Variants in GLYATL1 observed in about 807,000 individuals in gnomAD.
GLYATL1 encodes the protein glycine N-acyltransferase-like protein 1.
GLYATL1 carries 15 observed loss-of-function variants against 20.0 expected under a neutral mutation model. The observed-to-expected ratio is 0.75, with a 90% CI of 0.50 to 1.15. GLYATL1 has a LOEUF of 1.15. Among genes scored for constraint, GLYATL1 ranks in the 50% most tolerant of loss-of-function variants. The probability of loss-of-function intolerance (pLI) is 0.00; values close to 1 mark genes in which losing one functional copy is unlikely to be tolerated. For synonymous variants in GLYATL1, 151 were observed against 131.5 expected, an observed-to-expected ratio of 1.15 and a Z score of -1.01; for missense variants, 380 against 368.5, an observed-to-expected ratio of 1.03 and a Z score of -0.26.
chr11:58,921,291 T>C (rs959407223), intron 1 of GLYATL1, among the ~76,000 whole-genome samples: 3 of 152,214 alleles, frequency 2.0e-5, no homozygotes, highest in Non-Finnish European at 4.4e-5. Context: ...TCTTGGATAG[T>C]GGCCTTATAG....
chr11:58,906,118 G>T (rs1172436885), intron 1 of GLYATL1, among the ~76,000 whole-genome samples: 1 of 152,160 alleles, frequency 6.6e-6, no homozygotes, highest in African/African-American at 2.4e-5. Flanking sequence ...TCTTTGAGTG[G>T]TTTTTCTGGT....
downstream of GLYATL1, among the ~76,000 whole-genome samples, chr11:58,910,121 T>C (rs1446580513): frequency 2.0e-5 from 3 of 148,626 alleles, no homozygotes; most frequent in Admixed American, 2.0e-4. Flanking sequence ...CACTTACAGA[T>C]ATTCTTAAAC....
downstream of GLYATL1, among the ~76,000 whole-genome samples, chr11:58,911,491 AG>A (rs1354111363): frequency 4.4e-4 from 67 of 152,198 alleles, no homozygotes; most frequent in African/African-American, 1.4e-3. Context: ...GTCAACACAA[AG>A]CTTTTCTGAT....
At chr11:58,925,056 T>C (rs759512845), upstream of GLYATL1, among the ~76,000 whole-genome samples, 15 of 152,186 alleles carry the variant, frequency 9.9e-5, no homozygotes, top group Non-Finnish European at 2.2e-4. Flanking sequence ...TGTGGGTCCT[T>C]AGGGTTTTTC....
upstream of GLYATL1, among the ~76,000 whole-genome samples, chr11:58,937,410 T>G (rs1312137920): frequency 6.6e-6 from 1 of 152,170 alleles, no homozygotes; most frequent in Non-Finnish European, 1.5e-5. Context: ...TAAAGAAACC[T>G]TCTTCCCTAG....
intron 1 of GLYATL1, among the ~76,000 whole-genome samples, chr11:58,928,023 G>A (rs1855474501): frequency 6.6e-6 from 1 of 152,126 alleles, no homozygotes; most frequent in Admixed American, 6.5e-5. Flanking sequence ...TGCAACTGAT[G>A]TTTTTAAGAT....
Position 58,930,262 on chromosome 11 carries a change from G to A in GLYATL1, c.-212+2433G>A, listed in dbSNP as rs1316409475. Among the ~76,000 whole-genome samples, 11 of 152,122 alleles carry A rather than the reference G, an allele frequency of 7.2e-5. No homozygotes were observed. In the South Asian group the frequency reaches 1.7e-3, roughly 23 times the overall value. Reference sequence around the variant, plus strand: ...TAAGGGCAACTTCAAAATCTCACAAGGAACATAATGTGAAATAATGAATCG... The same window carrying A: ...TAAGGGCAACTTCAAAATCTCACAAAGAACATAATGTGAAATAATGAATCG... On this transcript the variant is annotated intron_variant, in intron 1 of 7. Transcript: ENST00000317391.
chr11:58,906,020 T>C (rs1041378181), intron 1 of GLYATL1, among the ~76,000 whole-genome samples: 1 of 152,196 alleles, frequency 6.6e-6, no homozygotes, highest in Non-Finnish European at 1.5e-5. Context: ...AAGTTCAGCT[T>C]AGACAGGCAA....
intron 1 of GLYATL1, chr11:58,907,116 G>A (rs1854911632): frequency 2.8e-6 from 1 of 356,940 alleles, no homozygotes; most frequent in African/African-American, 2.1e-5. Context: ...TAGTTTTAGG[G>A]TGGTTCTTTC....
At chr11:58,914,560 G>A (rs778919463) in intron 1 of GLYATL1, among the ~76,000 whole-genome samples, 3 of 152,136 alleles carry the variant, frequency 2.0e-5, no homozygotes, top group Admixed American at 6.6e-5. Flanking sequence ...TACTTACATC[G>A]CATGATCAAA....
chr11:58,936,002 G>A (rs1018720297), upstream of GLYATL1, among the ~76,000 whole-genome samples: 3 of 152,178 alleles, frequency 2.0e-5, no homozygotes, highest in Admixed American at 1.3e-4. Context: ...TCTCCATGAA[G>A]TATGACTTCT....
chr11:58,914,673 G>A (rs1462751997), intron 1 of GLYATL1, among the ~76,000 whole-genome samples: 1 of 152,100 alleles, frequency 6.6e-6, no homozygotes, highest in African/African-American at 2.4e-5. Flanking sequence ...GGAGGTGATA[G>A]GATTAACTCC....
chr11:58,947,695 C>T (rs577165302), intron 3 of GLYATL1, 163 bp from the exon 4 acceptor site: 14 of 590,508 alleles, frequency 2.4e-5, no homozygotes, highest in South Asian at 2.2e-4. Context: ...GGTAACTTCA[C>T]GTCCATCAGT....
upstream of GLYATL1, among the ~76,000 whole-genome samples, chr11:58,937,790 T>C (rs550588970): frequency 6.6e-6 from 1 of 152,334 alleles, no homozygotes; most frequent in South Asian, 2.1e-4. Context: ...CTTCCAACGA[T>C]GGCTGCTGCA....
exon 2 of GLYATL1, chr11:58,907,641 T>C (rs923923803): frequency 6.6e-5 from 15 of 226,460 alleles, no homozygotes; most frequent in African/African-American, 3.4e-4. Flanking sequence ...TTTCTAGTCA[T>C]TGTGGGTCAT....
intron 2 of GLYATL1, chr11:58,946,668 T>A (rs1425718029): frequency 9.1e-6 from 2 of 218,696 alleles, no homozygotes; most frequent in Non-Finnish European, 1.8e-5. Context: ...TGATATTTTC[T>A]ATTGCAGATG....
Position 58,913,963 on chromosome 11 carries a change from C to T in GLYATL1, n.264+8302C>T, listed in dbSNP as rs924215387. Among the ~76,000 whole-genome samples the T allele has an allele frequency of 3.3e-5, 5 of 152,298 alleles. No homozygotes were observed. The East Asian group carries it at 9.7e-4, about 29-fold the overall frequency. On this transcript the variant is annotated intron_variant and non_coding_transcript_variant, in intron 1 of 2. Coordinates refer to the GLYATL1 transcript ENST00000534674. Reference sequence around the variant, plus strand: ...ATTAAACTTGGAACTCTCTAAGGAACATGCCTGGGTTTTCCTCATGAGGCA... The same window carrying T: ...ATTAAACTTGGAACTCTCTAAGGAATATGCCTGGGTTTTCCTCATGAGGCA...
rs1857387893 is a variant in GLYATL1, at chr11:58,955,921, A to G, written c.803A>G (p.Glu268Gly). 2.5e-6 allele frequency: 4 copies of G among 1,614,098 alleles called. No homozygotes were observed. The highest frequency in any genetic ancestry group is 3.4e-6 in the Non-Finnish European group (4 of 1,180,040). Residue 268 changes from glutamate to glycine, a missense_variant, in exon 7 of 7, where the codon GAA (glutamate) becomes GGA (glycine). Transcript: ENST00000532726. ...KNIPFYISVL[E>G]ENEDSRRFVG... ...ATTCCATTTTACATCTCTGTGTTGGAAGAAAATGAAGACTCCCGCAGATTT... is the reference window on the plus strand; with the variant it reads ...ATTCCATTTTACATCTCTGTGTTGGGAGAAAATGAAGACTCCCGCAGATTT...
chr11:58,914,823 C>A (rs1565117412), intron 1 of GLYATL1, among the ~76,000 whole-genome samples: 1 of 152,156 alleles, frequency 6.6e-6, no homozygotes, highest in Admixed American at 6.5e-5. Flanking sequence ...GGAGGCAAGT[C>A]CTGTCCCTAC....
Sources: allele counts gnomAD v4.1 joint callset (sites outside exome capture counted in the v4.1 genomes callset), GRCh38; gene constraint gnomAD v4.1.1; transcripts MANE v1.5; gene names NCBI Gene and HGNC (gene_info 2026-07-23, HGNC 2026-07-21).